Variants in ANKK1 observed in about 807,000 individuals in gnomAD.
ANKK1 encodes the protein ankyrin repeat and protein kinase domain-containing protein 1.
In ANKK1, 37 loss-of-function variants were observed where a neutral mutation model predicts 37.6. The ratio of observed to expected loss-of-function variants is 0.98; its 90% CI spans 0.76 to 1.29. The LOEUF is 1.29. Among genes scored for constraint, ANKK1 ranks in the 50% most tolerant of loss-of-function variants. The pLI, the probability that ANKK1 is intolerant of heterozygous loss-of-function variation, is 0.00. For synonymous variants in ANKK1, 415 were observed against 418.7 expected, an observed-to-expected ratio of 0.99 and a Z score of 0.11; for missense variants, 1,019 against 990.6, an observed-to-expected ratio of 1.03 and a Z score of -0.39.
Position 113,399,203 on chromosome 11 carries a change from GC to G in ANKK1, c.1237del (p.Leu413CysfsTer101). The stretch of plus-strand genomic sequence containing the variant: ...CCAGGACCAGCAACCCGACCTCTGT[GC>G]CCTGCTTTTGGCACATGGTGCTGAT... ...AAQDQQPDLC[A>X]LLLAHGADAN... On this transcript the variant is annotated frameshift_variant, in exon 8 of 8. Coordinates refer to ENST00000303941, the MANE Select transcript of ANKK1 (RefSeq NM_178510.2). LOFTEE classifies it low-confidence loss of function (END_TRUNC). The G allele has an allele frequency of 6.2e-7, 1 of 1,603,608 alleles. No individual in the cohort carries two copies. Among genetic ancestry groups the G allele is most frequent in the Non-Finnish European group, 8.5e-7 (1 of 1,175,390 alleles).
chr11:113,389,225 G>A (rs17600713), intron 1 of ANKK1, among the ~76,000 whole-genome samples: 55,143 of 152,114 alleles, frequency 0.36, 13,002 homozygotes, highest in Non-Finnish European at 0.53. Flanking sequence ...ATTACACTGT[G>A]AGACATTGAT....
chr11:113,389,021 G>T (rs994394321), intron 1 of ANKK1, among the ~76,000 whole-genome samples: 3 of 152,112 alleles, frequency 2.0e-5, no homozygotes, highest in Non-Finnish European at 4.4e-5. Flanking sequence ...AGCCTCAGGT[G>T]CCACACACTC....
In ANKK1 at chr11:113,395,093, C is replaced by A. The variant is rs1359528775; in HGVS notation, c.632+13C>A. 1 of 1,586,900 alleles carries A rather than the reference C, an allele frequency of 6.3e-7. No individual in the cohort carries two copies. The highest frequency in any genetic ancestry group is 1.3e-5 in the African/African-American group (1 of 74,438). ...ATGATGTGTACAGGTGAGAAGGAGG[C>A]CTGGCGTGATGCCACACACCCAGCA... On this transcript the variant is annotated intron_variant, in intron 3 of 7. Coordinates refer to ENST00000303941, the MANE Select transcript of ANKK1 (RefSeq NM_178510.2).
intron 1 of ANKK1, 104 bp downstream of exon 1, chr11:113,388,173 G>A: frequency 1.2e-5 from 17 of 1,360,100 alleles, no homozygotes; most frequent in Non-Finnish European, 1.5e-5. Flanking sequence ...GTTTGGGGCT[G>A]AGGACTGTCC....
At chr11:113,396,326 C>A in intron 5 of ANKK1, 104 bp downstream of exon 5, 13 of 1,334,514 alleles carry the variant, frequency 9.7e-6, no homozygotes, top group African/African-American at 3.0e-5. Context: ...ACTTTTGGTA[C>A]TACGGCCTAG....
In ANKK1 at chr11:113,400,235, G is replaced by T. The variant is rs1423663123; in HGVS notation, c.2266G>T (p.Gly756Cys). 1.5e-5 allele frequency: 24 copies of T among 1,549,376 alleles called. No individual in the cohort carries two copies. Among genetic ancestry groups the T allele is most frequent in the Non-Finnish European group, 2.1e-5 (24 of 1,146,610 alleles). The part of the protein sequence containing the change: ...GKEPSVATLG[G>C]SKPGAEMEI ...GGAGCCGTCAGTGGCCACTCTGGGT[G>T]GTTCTAAGCCAGGAGCCGAGATGGA... Residue 756 changes from glycine to cysteine, a missense_variant, in exon 8 of 8, where the codon GGT becomes TGT. Gly to Cys is a radical substitution (Grantham distance 159, BLOSUM62 -3). Transcript: ENST00000303941.
rs1256297821 is a variant in ANKK1 at position 113,393,762 on chromosome 11, A to G, written c.467A>G (p.Asn156Ser). Residue 156 changes from asparagine to serine, a missense_variant, in exon 2 of 8, where the codon AAC becomes AGC. Transcript: ENST00000303941. ...CCGGGCAACATACTCCTGGACAGCA[A>G]CATGCATGTCAAAGTAAGGGCTCTG... is the stretch of plus-strand genomic sequence containing the variant. Reference protein sequence around the residue: ...LKPGNILLDSNMHVKISDFGL... With the variant: ...LKPGNILLDSSMHVKISDFGL... 2 of 1,603,646 alleles carry G rather than the reference A, an allele frequency of 1.2e-6. No homozygotes were observed.
In ANKK1 at chr11:113,399,951, C is replaced by T. The variant is rs2138142026; in HGVS notation, c.1982C>T (p.Thr661Ile). 6.2e-7 allele frequency: 1 copy of T among 1,613,658 alleles called. No individual in the cohort carries two copies. The highest frequency in any genetic ancestry group is 1.1e-5 in the South Asian group (1 of 91,082). ...AATGCTGCAGAGCAGTCAGGCTGGACACCCCTCCACCTGGCGGTCCAGAGG... is the reference window on the plus strand; with the variant it reads ...AATGCTGCAGAGCAGTCAGGCTGGATACCCCTCCACCTGGCGGTCCAGAGG... Reference protein sequence around the residue: ...DPNAAEQSGWTPLHLAVQRST... With the variant: ...DPNAAEQSGWIPLHLAVQRST... Residue 661 changes from threonine to isoleucine, a missense_variant, in exon 8 of 8, where the codon ACA (threonine) becomes ATA (isoleucine). Thr to Ile is a moderately conservative substitution (Grantham distance 89). Coordinates refer to ENST00000303941, the MANE Select transcript of ANKK1 (RefSeq NM_178510.2).
chr11:113,398,489 G>C (rs1950658231), intron 7 of ANKK1, among the ~76,000 whole-genome samples: 1 of 152,120 alleles, frequency 6.6e-6, no homozygotes, highest in Non-Finnish European at 1.5e-5. Context: ...TTAGATCATA[G>C]AACTCCAACC....
chr11:113,387,961 G>T lies in ANKK1; in HGVS notation c.77G>T (p.Arg26Leu). ...CGCGACGACTTCGAGGGCGACTGGC[G>T]CCTAGTGGCCAGCGGCGGCTTCAGC... ...FTRDDFEGDW[R>L]LVASGGFSQV... is the part of the protein sequence containing the mutation. Residue 26 changes from arginine (R) to leucine (L), a missense_variant, in exon 1 of 8, where the codon CGC (arginine) becomes CTC (leucine). Coordinates refer to ENST00000303941, the MANE Select transcript of ANKK1 (RefSeq NM_178510.2). 2 of 1,574,584 alleles carry T rather than the reference G, an allele frequency of 1.3e-6. No individual in the cohort carries two copies. The highest frequency in any genetic ancestry group is 1.7e-5 in the Admixed American group (1 of 57,350).
In ANKK1 at chr11:113,396,141, T is replaced by C. The variant is rs201098042; in HGVS notation, c.757T>C (p.Trp253Arg). 3,655 of 1,613,970 alleles carry C rather than the reference T, an allele frequency of 2.3e-3. 8 individuals carry two copies. The highest frequency in any genetic ancestry group is 3.0e-3 in the Admixed American group (183 of 60,028). The part of the protein sequence containing the change: ...RPSLQPVSDQ[W>R]PSEAQQMVDL... The stretch of plus-strand genomic sequence containing the variant: ...CTCCCTACAGCCTGTCTCTGACCAA[T>C]GGCCAAGCGAGGCCCAGCAGATGGT... The change falls in exon 5 of 8, where the codon TGG becomes CGG. Residue 253 changes from tryptophan to arginine, a missense_variant. By Grantham distance (101) the Trp-to-Arg change is moderately radical. Coordinates refer to ENST00000303941, the MANE Select transcript of ANKK1 (RefSeq NM_178510.2).
At chr11:113,397,908 A>G in intron 6 of ANKK1, 72 bp from the exon 7 acceptor site, 3 of 1,490,594 alleles carry the variant, frequency 2.0e-6, no homozygotes, top group Non-Finnish European at 2.7e-6. Flanking sequence ...GAGAGAGGGA[A>G]GGAGGGGAGG....
At position 113,393,470 on chromosome 11, in the gene ANKK1, C is replaced by T; in HGVS notation, c.186-11C>T. 6.2e-7 allele frequency: 1 copy of T among 1,603,700 alleles called. No homozygotes were observed. The highest frequency in any genetic ancestry group is 8.5e-7 in the Non-Finnish European group (1 of 1,173,092). On this transcript the variant is annotated splice_polypyrimidine_tract_variant and intron_variant, in intron 1 of 7. Transcript: ENST00000303941. ...TCACCCCCTTCCATATCTTGCTCCCCCTCTCCATAGCTCTGATGTGAATTA... is the reference window on the plus strand; with the variant it reads ...TCACCCCCTTCCATATCTTGCTCCCTCTCTCCATAGCTCTGATGTGAATTA...
intron 5 of ANKK1, 119 bp downstream of exon 5, chr11:113,396,341 A>AAT: frequency 2.7e-6 from 3 of 1,102,692 alleles, no homozygotes; most frequent in Non-Finnish European, 2.4e-6. Context: ...GCCTAGAAGG[A>AAT]CTTTTTTTTT....
At chr11:113,397,428 A>T in intron 6 of ANKK1, 86 bp downstream of exon 6, 1 of 1,173,192 alleles carries the variant, frequency 8.5e-7, no homozygotes, top group Non-Finnish European at 1.2e-6. Flanking sequence ...CCAGACACTG[A>T]GCACTCATGC....
intron 1 of ANKK1, among the ~76,000 whole-genome samples, chr11:113,388,403 G>C (rs1167808978): frequency 1.3e-5 from 2 of 152,114 alleles, no homozygotes; most frequent in Non-Finnish European, 2.9e-5. Flanking sequence ...TTCTTCCCCC[G>C]GTGTCCTGTG....
At chr11:113,397,401 A>G in intron 6 of ANKK1, 59 bp downstream of exon 6, 2 of 1,430,186 alleles carry the variant, frequency 1.4e-6, no homozygotes, top group African/African-American at 1.4e-5. Flanking sequence ...CGCTGTGTGG[A>G]CTGTTGTGAT....
rs773201249 is a variant in ANKK1 at position 113,399,193 on chromosome 11, C to G, written c.1224C>G (p.Pro408=). The G allele has an allele frequency of 2.5e-6, 4 of 1,601,630 alleles. No homozygotes were observed. In the African/African-American group the frequency reaches 5.4e-5, roughly 21 times the overall value. The change falls in exon 8 of 8, where the codon CCC becomes CCG. Residue 408 remains proline, a synonymous_variant. Transcript: ENST00000303941. ...TGATCGCCGCCCAGGACCAGCAACCCGACCTCTGTGCCCTGCTTTTGGCAC... is the reference window on the plus strand; with the variant it reads ...TGATCGCCGCCCAGGACCAGCAACCGGACCTCTGTGCCCTGCTTTTGGCAC... ...PLLIAAQDQQ[P]DLCALLLAHG... is the part of the protein sequence containing the mutation.
At chr11:113,398,669 G>GAGATGCCAACACAGCAGCCAT in intron 7 of ANKK1, among the ~76,000 whole-genome samples, 1 of 152,136 alleles carries the variant, frequency 6.6e-6, no homozygotes, top group Non-Finnish European at 1.5e-5. Context: ...ATTGGCTAAG[G>GAGATGCCAACACAGCAGCCAT]TCGGGGGATG....
Sources: allele counts gnomAD v4.1 joint callset (sites outside exome capture counted in the v4.1 genomes callset), GRCh38; gene constraint gnomAD v4.1.1; transcripts MANE v1.5; gene names NCBI Gene and HGNC (gene_info 2026-07-23, HGNC 2026-07-21).